The following VPS13A variants were observed in gnomAD, a reference collection of about 807,000 sequenced individuals.
The protein encoded by VPS13A is vacuolar protein sorting 13 homolog A.
Under a neutral mutation model 390.9 loss-of-function variants are expected in VPS13A, and 264 were observed. The ratio of observed to expected loss-of-function variants is 0.68; its 90% CI spans 0.61 to 0.75. The LOEUF (loss-of-function observed/expected upper bound fraction) is 0.75. Ranked by LOEUF, VPS13A falls within the 30% of genes least tolerant of loss-of-function variation. The probability of loss-of-function intolerance (pLI) is 0.00; values close to 1 mark genes in which losing one functional copy is unlikely to be tolerated. For missense variants in VPS13A, 3,409 were observed against 3,733.9 expected (o/e 0.91, Z 2.27); for synonymous variants, 1,231 against 1,227.1 (o/e 1.00, Z -0.07).
chr9:77,314,829 G>T (rs1189063113), intron 37 of VPS13A, among the ~76,000 whole-genome samples, 165 bp downstream of exon 37: 1 of 152,014 alleles, frequency 6.6e-6, no homozygotes, highest in Non-Finnish European at 1.5e-5. Flanking sequence ...AAATGTCCTG[G>T]TTCTGTTATG....
chr9:77,321,315 C>A lies in VPS13A; in HGVS notation c.5562C>A (p.Asn1854Lys). ...CCAAATGTGGTCTTGTAATGTTAAACAATTTAGTCAAGGTAAGAAAAGAAA... is the reference window on the plus strand; with the variant it reads ...CCAAATGTGGTCTTGTAATGTTAAAAAATTTAGTCAAGGTAAGAAAAGAAA... ...TLSKCGLVML[N>K]NLVKAFTEAA... is the part of the protein sequence containing the mutation. Residue 1854 changes from asparagine to lysine, a missense_variant, in exon 43 of 72, where the codon AAC (asparagine) becomes AAA (lysine). By Grantham distance (94) the Asn-to-Lys change is moderately conservative. This residue lies in a region of VPS13A where 2,717 missense variants were observed against 2,917.4 expected (regional missense o/e 0.93). Transcript: ENST00000360280. The A allele has an allele frequency of 6.2e-7, 1 of 1,605,866 alleles. No homozygotes were observed. The highest frequency in any genetic ancestry group is 8.5e-7 in the Non-Finnish European group (1 of 1,174,462).
intron 68 of VPS13A, among the ~76,000 whole-genome samples, chr9:77,402,536 T>C (rs1047504384): frequency 6.6e-6 from 1 of 152,212 alleles, no homozygotes; most frequent in Non-Finnish European, 1.5e-5. Flanking sequence ...GTACTTTAAA[T>C]AGCTGAAGTA....
intron 71 of VPS13A, among the ~76,000 whole-genome samples, chr9:77,411,605 A>G (rs1294610203): frequency 2.1e-5 from 3 of 143,034 alleles, no homozygotes; most frequent in African/African-American, 5.2e-5. Flanking sequence ...GGAGCTTGCA[A>G]TCAGCCGAGA....
intron 22 of VPS13A, among the ~76,000 whole-genome samples, chr9:77,257,558 G>A (rs1166295413): frequency 1.3e-5 from 2 of 152,096 alleles, no homozygotes; most frequent in Admixed American, 1.3e-4. Context: ...TTTGAGACCA[G>A]CCTGGCCAAT....
In VPS13A at chr9:77,340,262, G is replaced by A. The variant is rs751876345; in HGVS notation, c.6859G>A (p.Gly2287Ser). The change falls in exon 49 of 72, where the codon GGC (glycine) becomes AGC (serine). Residue 2287 changes from glycine (G) to serine (S), a missense_variant. Physicochemically the swap from Gly to Ser is moderately conservative, Grantham distance 56. This residue lies in a region of VPS13A where 2,717 missense variants were observed against 2,917.4 expected (regional missense o/e 0.93). Transcript: ENST00000360280. ...TAGTCATGGAGCTGTTAAATGTAAA[G>A]GCCTGAAAATGGACTATCAAGTGAG... ...VGSHGAVKCK[G>S]LKMDYQVGVT... The A allele has an allele frequency of 1.2e-6, 2 of 1,613,084 alleles. No homozygotes were observed. The highest frequency in any genetic ancestry group is 1.7e-6 in the Non-Finnish European group (2 of 1,179,534).
chr9:77,330,882 A>T (rs1200123379), intron 45 of VPS13A, among the ~76,000 whole-genome samples: 2 of 152,078 alleles, frequency 1.3e-5, no homozygotes, highest in Non-Finnish European at 2.9e-5. Flanking sequence ...ATTTGGTGAT[A>T]CGTTGTGTAT....
intron 46 of VPS13A, among the ~76,000 whole-genome samples, chr9:77,336,264 G>A (rs982762920): frequency 6.6e-6 from 1 of 151,996 alleles, no homozygotes; most frequent in Admixed American, 6.5e-5. Context: ...ATGATCGATT[G>A]ATGGCTGCAG....
At chr9:77,250,369 C>A in intron 21 of VPS13A, 140 bp downstream of exon 21, 1 of 1,075,878 alleles carries the variant, frequency 9.3e-7, no homozygotes, top group Non-Finnish European at 1.4e-6. Context: ...TATTGTCTAG[C>A]TGTTCTTACC....
At chr9:77,378,758 T>C (rs769974261) in intron 67 of VPS13A, among the ~76,000 whole-genome samples, 1 of 151,988 alleles carries the variant, frequency 6.6e-6, no homozygotes, top group Non-Finnish European at 1.5e-5. Context: ...TTGCTTTTTC[T>C]ACTTTCTCAA....
rs539857898 is a variant in VPS13A at position 77,421,321 on chromosome 9, A to T, written c.*5315A>T. ...CTGCCTTGGTTTTGTGTATTCTAAG[A>T]TAATTTATAAACACAGATATTTACA... On this transcript the variant is annotated 3_prime_UTR_variant, in exon 72 of 72. Transcript: ENST00000360280. 3.3e-5 allele frequency: 5 copies of T among 152,252 alleles called. No homozygotes were observed. Among genetic ancestry groups the T allele is most frequent in the African/African-American group, 1.2e-4 (5 of 41,522 alleles). The allele number at this position is 152,252 out of a possible 1,614,324, so 9.4% of individuals were successfully genotyped here. A position where few individuals can be genotyped will look rare whatever the true frequency, so the allele number is the denominator to read the frequency against.
intron 68 of VPS13A, chr9:77,390,207 T>G: frequency 1.3e-5 from 10 of 746,536 alleles, no homozygotes; most frequent in Non-Finnish European, 1.6e-5. Context: ...TAGCTCTTCC[T>G]CTCCAGAAGG....
At position 77,318,352 on chromosome 9, in the gene VPS13A, A is replaced by G. The variant is rs1313391861; in HGVS notation, c.5074A>G (p.Thr1692Ala). ...STAHLWEKKD[T>A]KTLKMWFLEE... Reference sequence around the variant, plus strand: ...TGCACATTTATGGGAAAAGAAGGATACAAAGACTTTAAAAATGTGGTTTCT... The same window carrying G: ...TGCACATTTATGGGAAAAGAAGGATGCAAAGACTTTAAAAATGTGGTTTCT... The change falls in exon 41 of 72, where the codon ACA (threonine) becomes GCA (alanine). Residue 1692 changes from threonine (T) to alanine (A), a missense_variant. Physicochemically the swap from Thr to Ala is moderately conservative, Grantham distance 58. Coordinates refer to ENST00000360280, the MANE Select transcript of VPS13A (RefSeq NM_033305.3). 5.0e-6 allele frequency: 8 copies of G among 1,613,702 alleles called. No homozygotes were observed. Among genetic ancestry groups the G allele is most frequent in the Non-Finnish European group, 5.9e-6 (7 of 1,179,878 alleles).
Position 77,304,735 on chromosome 9 carries a change from C to G in VPS13A, c.3960+1673C>G, listed in dbSNP as rs116050767. On this transcript the variant is annotated intron_variant, in intron 34 of 71. Coordinates refer to ENST00000360280, the MANE Select transcript of VPS13A (RefSeq NM_033305.3). ...TCTCTCATGGAACTGCCCACAAGTT[C>G]ATATTTTTTTCCCTTGACTGGATGA... Among the ~76,000 whole-genome samples the G allele has an allele frequency of 2.0e-3, 312 of 152,242 alleles. 2 individuals are homozygous for G. The highest frequency in any genetic ancestry group is 7.1e-3 in the African/African-American group (297 of 41,548).
At chr9:77,335,335 A>G (rs1476945253) in intron 46 of VPS13A, among the ~76,000 whole-genome samples, 1 of 152,212 alleles carries the variant, frequency 6.6e-6, no homozygotes, top group Non-Finnish European at 1.5e-5. Flanking sequence ...TGCAATGGCA[A>G]AAAAATCCAA....
intron 67 of VPS13A, among the ~76,000 whole-genome samples, chr9:77,380,487 T>A (rs1210099985): frequency 6.6e-6 from 1 of 152,106 alleles, no homozygotes; most frequent in South Asian, 2.1e-4. Context: ...AATTTTTGTA[T>A]TTTTAGTAGA....
intron 71 of VPS13A, among the ~76,000 whole-genome samples, chr9:77,410,906 A>C (rs1407637564): frequency 6.6e-6 from 1 of 152,234 alleles, no homozygotes; most frequent in Non-Finnish European, 1.5e-5. Flanking sequence ...AAGGATATCC[A>C]GGAATTGAAC....
chr9:77,372,618 T>C (rs1434570617), intron 67 of VPS13A, among the ~76,000 whole-genome samples: 1 of 152,064 alleles, frequency 6.6e-6, no homozygotes, highest in Non-Finnish European at 1.5e-5. Context: ...CAACATAGTG[T>C]CGGAAGTTCT....
chr9:77,217,904 A>G (rs1227563652), intron 10 of VPS13A, among the ~76,000 whole-genome samples: 1 of 151,830 alleles, frequency 6.6e-6, no homozygotes, highest in East Asian at 1.9e-4. Flanking sequence ...TGTTTTCCAC[A>G]GAGGTTGTAC....
chr9:77,261,235 A>G (rs1216265639), intron 23 of VPS13A, among the ~76,000 whole-genome samples: 1 of 152,106 alleles, frequency 6.6e-6, no homozygotes, highest in East Asian at 1.9e-4. Flanking sequence ...TGAAATCATT[A>G]TACACACTAT....
Sources: gnomAD v4.1 joint callset for allele counts (sites outside exome capture counted in the v4.1 genomes callset) on GRCh38, gnomAD v4.1.1 for gene constraint, gnomAD v4.1.1 regional missense constraint, MANE v1.5 for transcripts, NCBI Gene and HGNC (gene_info 2026-07-23, HGNC 2026-07-21) for gene names.